The following HNMT variants were observed in gnomAD, a reference collection of about 807,000 sequenced individuals.
The protein encoded by HNMT is histamine N-methyltransferase.
In HNMT, 30 loss-of-function variants were observed where a neutral mutation model predicts 32.1. The observed-to-expected ratio is 0.93, with a 90% CI of 0.70 to 1.27. The LOEUF is 1.27. Ranked by LOEUF, HNMT falls within the 50% of genes most tolerant of loss-of-function variation. HNMT has a pLI of 0.00. For missense variants in HNMT, 327 were observed against 346.0 expected (o/e 0.95, Z 0.43); for synonymous variants, 125 against 119.0 (o/e 1.05, Z -0.33).
intron 2 of HNMT, among the ~76,000 whole-genome samples, chr2:137,985,020 T>A (rs1330041009): frequency 6.6e-6 from 1 of 152,176 alleles, no homozygotes; most frequent in African/African-American, 2.4e-5. Flanking sequence ...CCAGCAATCA[T>A]GTCATGAAGT....
At chr2:137,964,726 G>C (rs1269663708) in intron 1 of HNMT, 98 bp downstream of exon 1, 12 of 1,227,806 alleles carry the variant, frequency 9.8e-6, no homozygotes, top group Non-Finnish European at 1.4e-5. Context: ...TGGGCACAGG[G>C]ATAAGGGCGA....
chr2:137,970,047 GT>G, intron 1 of HNMT, 117 bp from the exon 2 acceptor site: 2 of 549,448 alleles, frequency 3.6e-6, no homozygotes, highest in South Asian at 3.1e-5. Context: ...GACATTTCAT[GT>G]TGGCCTAGTT....
chr2:137,970,645 G>A (rs1019618113), intron 2 of HNMT, among the ~76,000 whole-genome samples: 3 of 152,118 alleles, frequency 2.0e-5, no homozygotes, highest in African/African-American at 7.2e-5. Context: ...AGGAGGCTGG[G>A]CGCGGTGGCT....
At chr2:137,993,171 C>T (rs1038065036) in intron 2 of HNMT, among the ~76,000 whole-genome samples, 6 of 152,082 alleles carry the variant, frequency 3.9e-5, no homozygotes, top group Non-Finnish European at 7.4e-5. Flanking sequence ...AACCTTTCTC[C>T]GTCGGGGTAA....
intron 2 of HNMT, chr2:137,981,378 C>T: frequency 3.1e-6 from 5 of 1,610,340 alleles, no homozygotes; most frequent in East Asian, 2.2e-5. Context: ...GCATTTCCCT[C>T]ATTCCTAGTT....
intron 1 of HNMT, 78 bp downstream of exon 1, chr2:137,964,706 C>A: frequency 1.4e-6 from 2 of 1,462,398 alleles, no homozygotes; most frequent in Non-Finnish European, 1.9e-6. Flanking sequence ...TCTCGCTCAG[C>A]CTCGCAGGCT....
At chr2:137,979,560 A>G (rs1680421160) in intron 2 of HNMT, among the ~76,000 whole-genome samples, 1 of 151,862 alleles carries the variant, frequency 6.6e-6, no homozygotes, top group African/African-American at 2.4e-5. Flanking sequence ...CCATACTTTT[A>G]TTTTATTTAT....
chr2:138,000,466 C>T (rs945402088), intron 2 of HNMT, among the ~76,000 whole-genome samples: 2 of 136,480 alleles, frequency 1.5e-5, no homozygotes, highest in African/African-American at 5.9e-5. Context: ...TTTAATCTGA[C>T]ATTTTTTTGT....
intron 4 of HNMT, among the ~76,000 whole-genome samples, chr2:138,003,912 T>C (rs1558746221): frequency 6.6e-6 from 1 of 152,092 alleles, no homozygotes; most frequent in African/African-American, 2.4e-5. Context: ...CTCTTTCCTA[T>C]TTCTCTTAAA....
chr2:138,000,779 C>T, intron 2 of HNMT, 139 bp from the exon 3 acceptor site: 2 of 484,982 alleles, frequency 4.1e-6, no homozygotes, highest in Non-Finnish European at 7.3e-6. Context: ...TGCATCATGG[C>T]AGGGCAGCAG....
intron 2 of HNMT, among the ~76,000 whole-genome samples, chr2:137,997,424 G>A (rs1681030430): frequency 1.3e-5 from 2 of 152,096 alleles, no homozygotes; most frequent in African/African-American, 4.8e-5. Flanking sequence ...ATGAAAAAAA[G>A]CTCAATATCG....
At position 138,015,395 on chromosome 2, in the gene HNMT, T is replaced by C. The variant is rs1371647224; in HGVS notation, c.*1265T>C. 6.6e-6 allele frequency: 1 copy of C among 152,106 alleles called. No homozygotes were observed. Among genetic ancestry groups the C allele is most frequent in the Non-Finnish European group, 1.5e-5 (1 of 68,016 alleles). 9.4% of individuals were successfully genotyped at this position (152,106 alleles called of 1,614,324 possible). On this transcript the variant is annotated 3_prime_UTR_variant, in exon 6 of 6. Transcript: ENST00000280097. ...GTGTGATACTCACTCTTTCATGCAA[T>C]AGGGCTTCCATGTAATGTTGCCGTA...
intron 2 of HNMT, chr2:137,981,432 TA>T: frequency 4.1e-6 from 6 of 1,449,300 alleles, no homozygotes; most frequent in Non-Finnish European, 5.8e-6. Context: ...TGAAGCCTAC[TA>T]GATCACACAG....
rs1681287711 is a variant in HNMT, at chr2:138,005,003, A to C, written c.430-129A>C. On this transcript the variant is annotated intron_variant, in intron 4 of 5. Transcript: ENST00000280097. ...TTCATGCAACGTCTTTAATCTTTAAATTTCTTAAGTGTTTTCTTGGGTAAA... is the reference window on the plus strand; with the variant it reads ...TTCATGCAACGTCTTTAATCTTTAACTTTCTTAAGTGTTTTCTTGGGTAAA... 8.4e-6 allele frequency: 5 copies of C among 597,048 alleles called. No individual in the cohort carries two copies. The East Asian group carries it at 1.4e-4, about 16-fold the overall frequency. The allele number at this position is 597,048 out of a possible 1,614,324, so 37.0% of individuals were successfully genotyped here.
intron 2 of HNMT, among the ~76,000 whole-genome samples, chr2:137,993,366 T>C (rs1180303585): frequency 6.6e-6 from 1 of 152,060 alleles, no homozygotes; most frequent in African/African-American, 2.4e-5. Context: ...ATAAACAACA[T>C]GTTGGAGCTG....
At chr2:138,007,458 C>T (rs962669421) in intron 5 of HNMT, among the ~76,000 whole-genome samples, 3 of 151,970 alleles carry the variant, frequency 2.0e-5, no homozygotes, top group Non-Finnish European at 4.4e-5. Context: ...TTTAGTAGAA[C>T]TGGAATGTCC....
intron 2 of HNMT, among the ~76,000 whole-genome samples, chr2:137,973,064 G>C (rs1179876227): frequency 2.6e-5 from 4 of 152,130 alleles, no homozygotes; most frequent in Non-Finnish European, 4.4e-5. Context: ...GAATGTGGGT[G>C]CCCTTTAAGG....
At chr2:137,976,083 A>C (rs974250939) in intron 2 of HNMT, among the ~76,000 whole-genome samples, 1 of 152,088 alleles carries the variant, frequency 6.6e-6, no homozygotes, top group Non-Finnish European at 1.5e-5. Context: ...CCTGGCCAAC[A>C]TAGTGAAACC....
At chr2:138,006,170 T>C (rs754412975) in intron 5 of HNMT, among the ~76,000 whole-genome samples, 1 of 152,026 alleles carries the variant, frequency 6.6e-6, no homozygotes, top group Non-Finnish European at 1.5e-5. Context: ...TTAAAAATAC[T>C]CATTTATGTG....
Sources: allele counts gnomAD v4.1 joint callset (sites outside exome capture counted in the v4.1 genomes callset), GRCh38; gene constraint gnomAD v4.1.1; transcripts MANE v1.5; gene names NCBI Gene and HGNC (gene_info 2026-07-23, HGNC 2026-07-21).